The following CLYBL variants were observed in gnomAD, a reference collection of about 807,000 sequenced individuals.
CLYBL encodes the protein citramalyl-CoA lyase, also known as citramalyl-CoA lyase, mitochondrial.
Under a neutral mutation model 38.9 loss-of-function variants are expected in CLYBL, and 31 were observed. The observed-to-expected ratio is 0.80, with a 90% CI of 0.60 to 1.08. The LOEUF is 1.08. Among genes scored for constraint, CLYBL ranks in the 50% least tolerant of loss-of-function variants. The probability of loss-of-function intolerance (pLI) is 0.00; values close to 1 mark genes in which losing one functional copy is unlikely to be tolerated. For missense variants in CLYBL, 434 were observed against 411.6 expected, an observed-to-expected ratio of 1.05 and a Z score of -0.47; for synonymous variants, 171 against 158.6, an observed-to-expected ratio of 1.08 and a Z score of -0.59.
Position 99,674,142 on chromosome 13 carries a change from C to CTTT in CLYBL, c.62+67410_62+67412dup, listed in dbSNP as rs1167068936. 5.2e-3 allele frequency among the ~76,000 whole-genome samples: 264 copies of CTTT among 51,158 alleles called. 59 individuals are homozygous for CTTT. The highest frequency in any genetic ancestry group is 0.019 in the African/African-American group (212 of 11,436). The allele number at this position is 51,158 out of a possible 152,430, so 33.6% of individuals were successfully genotyped here. On this transcript the variant is annotated intron_variant, in intron 1 of 8. Coordinates refer to ENST00000339105, the MANE Select transcript of CLYBL (RefSeq NM_206808.5). The stretch of plus-strand genomic sequence containing the variant: ...TCGTTTTTTTTTAGCTACTAGAATT[C>CTTT]TTTTTTTTTTTTTTTTTTTTTTTTT...
intron 2 of CLYBL, among the ~76,000 whole-genome samples, chr13:99,852,225 G>A (rs947985284): frequency 2.6e-5 from 4 of 152,082 alleles, no homozygotes; most frequent in Admixed American, 2.0e-4. Context: ...GTTTCTTTTC[G>A]GGGTGATACA....
intron 2 of CLYBL, among the ~76,000 whole-genome samples, chr13:99,840,866 C>T (rs1483171681): frequency 6.6e-6 from 1 of 151,180 alleles, no homozygotes; most frequent in African/African-American, 2.4e-5. Flanking sequence ...GTGTTTGTTG[C>T]CCAAACATAT....
chr13:99,651,867 G>C (rs563315305), intron 1 of CLYBL, among the ~76,000 whole-genome samples: 1 of 152,162 alleles, frequency 6.6e-6, no homozygotes, highest in Non-Finnish European at 1.5e-5. Context: ...GGGAGGCAGA[G>C]GTTGCAGTGA....
intron 1 of CLYBL, among the ~76,000 whole-genome samples, chr13:99,731,865 T>C (rs957366749): frequency 1.3e-5 from 2 of 152,126 alleles, no homozygotes; most frequent in Non-Finnish European, 2.9e-5. Flanking sequence ...CACTTAGCTT[T>C]CGTATCTCAG....
intron 2 of CLYBL, among the ~76,000 whole-genome samples, chr13:99,781,905 ATCTT>A (rs2138841180): frequency 6.6e-6 from 1 of 152,348 alleles, no homozygotes; most frequent in East Asian, 1.9e-4. Flanking sequence ...ATTAATCCAT[ATCTT>A]TCTTCTGGAC....
At chr13:99,715,593 C>A (rs2048300215) in intron 1 of CLYBL, among the ~76,000 whole-genome samples, 1 of 151,614 alleles carries the variant, frequency 6.6e-6, no homozygotes, top group Non-Finnish European at 1.5e-5. Flanking sequence ...TTATAGAGCT[C>A]AAGGAATCCA....
At chr13:99,907,664 C>T (rs1321726743) in intron 9 of CLYBL, among the ~76,000 whole-genome samples, 1 of 152,026 alleles carries the variant, frequency 6.6e-6, no homozygotes, top group Non-Finnish European at 1.5e-5. Flanking sequence ...TCAAAACCAG[C>T]CTGGCAACGT....
chr13:99,742,809 ATTTC>A (rs1277460595), intron 1 of CLYBL, among the ~76,000 whole-genome samples: 1 of 152,134 alleles, frequency 6.6e-6, no homozygotes, highest in Non-Finnish European at 1.5e-5. Flanking sequence ...ATTATTACAC[ATTTC>A]TTTCTTAAGT....
chr13:99,658,789 G>A (rs1365113960), intron 1 of CLYBL, among the ~76,000 whole-genome samples: 1 of 152,158 alleles, frequency 6.6e-6, no homozygotes, highest in African/African-American at 2.4e-5. Context: ...CGCCTCCACA[G>A]CTGCATTTTG....
At chr13:99,785,561 C>T (rs2049772143) in intron 2 of CLYBL, among the ~76,000 whole-genome samples, 1 of 151,382 alleles carries the variant, frequency 6.6e-6, no homozygotes, top group East Asian at 2.0e-4. Flanking sequence ...CCTGTTCTGG[C>T]TTATTCATAT....
chr13:99,735,449 G>C (rs2048651866), intron 1 of CLYBL, among the ~76,000 whole-genome samples: 1 of 151,922 alleles, frequency 6.6e-6, no homozygotes, highest in Non-Finnish European at 1.5e-5. Context: ...TCCCACCTCA[G>C]CCTCCCAAAG....
intron 1 of CLYBL, among the ~76,000 whole-genome samples, chr13:99,614,235 G>A (rs1409091275): frequency 1.3e-5 from 2 of 152,134 alleles, no homozygotes; most frequent in Admixed American, 6.5e-5. Context: ...AAGAACTGGA[G>A]CAAGAGTCTT....
chr13:99,736,404 G>A (rs146153802), intron 1 of CLYBL, among the ~76,000 whole-genome samples: 25 of 147,536 alleles, frequency 1.7e-4, no homozygotes, highest in African/African-American at 6.0e-4. Flanking sequence ...AAAAGATGAG[G>A]TTTTTTTTTT....
chr13:99,725,030 C>T, intron 1 of CLYBL, among the ~76,000 whole-genome samples: 1 of 152,178 alleles, frequency 6.6e-6, no homozygotes, highest in South Asian at 2.1e-4. Flanking sequence ...TTCTTCTTAG[C>T]CATTGCTGAG....
intron 2 of CLYBL, among the ~76,000 whole-genome samples, chr13:99,819,432 A>T (rs1198224681): frequency 2.1e-5 from 1 of 47,864 alleles, no homozygotes. Flanking sequence ...ATATATATAT[A>T]TATATATATA....
chr13:99,625,306 C>A (rs2139216391), intron 1 of CLYBL, among the ~76,000 whole-genome samples: 1 of 152,314 alleles, frequency 6.6e-6, no homozygotes, highest in African/African-American at 2.4e-5. Flanking sequence ...CTGTGGGAAC[C>A]ACTAAGCATT....
At position 99,823,799 on chromosome 13, in the gene CLYBL, A is replaced by G. The variant is rs143581034; in HGVS notation, c.250-35062A>G. On this transcript the variant is annotated intron_variant, in intron 2 of 8. Transcript: ENST00000339105. ...CCGTAAAGTGTCTTTAAATACATCA[A>G]GTAACCTATATGTTCTATTTTTCCC... Among the ~76,000 whole-genome samples, 553 of 152,322 alleles carry G rather than the reference A, an allele frequency of 3.6e-3. 2 individuals carry two copies. The highest frequency in any genetic ancestry group is 5.8e-3 in the Non-Finnish European group (392 of 68,028).
chr13:99,864,752 C>A, intron 4 of CLYBL, 66 bp from the exon 5 acceptor site: 1 of 1,075,094 alleles, frequency 9.3e-7, no homozygotes, highest in Non-Finnish European at 1.4e-6. Context: ...TACTGAAATG[C>A]ACCGTGCCTC....
At chr13:99,614,937 A>G (rs1373219694) in intron 1 of CLYBL, among the ~76,000 whole-genome samples, 1 of 152,186 alleles carries the variant, frequency 6.6e-6, no homozygotes, top group Non-Finnish European at 1.5e-5. Flanking sequence ...GTCCTTGCAA[A>G]TAACTCTCCT....
Sources: gnomAD v4.1 joint callset for allele counts (sites outside exome capture counted in the v4.1 genomes callset) on GRCh38, gnomAD v4.1.1 for gene constraint, MANE v1.5 for transcripts, NCBI Gene and HGNC (gene_info 2026-07-23, HGNC 2026-07-21) for gene names.